Variants in PDCD6IP observed in about 807,000 individuals in gnomAD.
PDCD6IP encodes programmed cell death 6 interacting protein.
PDCD6IP carries 43 observed loss-of-function variants against 103.7 expected under a neutral mutation model. The ratio of observed to expected loss-of-function variants is 0.41; its 90% CI spans 0.32 to 0.53. The LOEUF (loss-of-function observed/expected upper bound fraction) is 0.53. Ranked by LOEUF, PDCD6IP falls within the 20% of genes least tolerant of loss-of-function variation. PDCD6IP has a pLI of 0.16. For synonymous variants in PDCD6IP, 354 were observed against 378.7 expected (o/e 0.93, Z 0.76); for missense variants, 871 against 1,036.7 (o/e 0.84, Z 2.20).
intron 12 of PDCD6IP, among the ~76,000 whole-genome samples, chr3:33,847,468 C>G (rs2125569746): frequency 6.6e-6 from 1 of 152,200 alleles, no homozygotes; most frequent in South Asian, 2.1e-4. Flanking sequence ...GTGCCTTAAT[C>G]AAATAAGGCA....
At chr3:33,858,144 T>C (rs1246330030) in intron 15 of PDCD6IP, among the ~76,000 whole-genome samples, 1 of 152,068 alleles carries the variant, frequency 6.6e-6, no homozygotes, top group African/African-American at 2.4e-5. Flanking sequence ...AATAAACCTA[T>C]AGAGGATAAG....
chr3:33,833,018 C>T (rs967134734), intron 7 of PDCD6IP, among the ~76,000 whole-genome samples: 6 of 151,942 alleles, frequency 3.9e-5, no homozygotes, highest in African/African-American at 9.7e-5. Flanking sequence ...ATCAGTATTT[C>T]GCTATTTTGT....
intron 17 of PDCD6IP, among the ~76,000 whole-genome samples, chr3:33,866,074 T>C (rs1366764451): frequency 6.6e-6 from 1 of 152,176 alleles, no homozygotes; most frequent in Non-Finnish European, 1.5e-5. Flanking sequence ...GTCTCCATTT[T>C]TTTTCTTTCT....
intron 3 of PDCD6IP, among the ~76,000 whole-genome samples, chr3:33,815,664 C>T (rs758823342): frequency 4.6e-5 from 7 of 152,142 alleles, no homozygotes; most frequent in Admixed American, 3.9e-4. Context: ...ACTGAATTTG[C>T]TGACTACCAG....
At chr3:33,832,525 A>G (rs1033398057) in intron 7 of PDCD6IP, among the ~76,000 whole-genome samples, 2 of 152,176 alleles carry the variant, frequency 1.3e-5, no homozygotes, top group African/African-American at 4.8e-5. Context: ...ATTTATCCTG[A>G]TGTGTGGTGC....
intron 7 of PDCD6IP, among the ~76,000 whole-genome samples, 164 bp downstream of exon 7, chr3:33,829,133 AG>A (rs1697191953): frequency 6.6e-6 from 1 of 152,070 alleles, no homozygotes; most frequent in Admixed American, 6.6e-5. Context: ...TGTTTTTTTG[AG>A]GTCTCATATT....
intron 3 of PDCD6IP, among the ~76,000 whole-genome samples, chr3:33,817,536 T>C (rs1696881365): frequency 6.6e-6 from 1 of 152,132 alleles, no homozygotes; most frequent in Non-Finnish European, 1.5e-5. Flanking sequence ...GGTGGATCAC[T>C]TGAGCCCAGG....
chr3:33,864,705 T>C (rs1432533587), intron 16 of PDCD6IP, among the ~76,000 whole-genome samples: 1 of 152,220 alleles, frequency 6.6e-6, no homozygotes, highest in Non-Finnish European at 1.5e-5. Context: ...TGTAGGAGAA[T>C]ATCCTTATGA....
chr3:33,821,600 A>G (rs923811623), intron 3 of PDCD6IP, among the ~76,000 whole-genome samples: 1 of 152,202 alleles, frequency 6.6e-6, no homozygotes, highest in Admixed American at 6.5e-5. Flanking sequence ...TGTGATTTTG[A>G]GAGGTGACAG....
At chr3:33,861,574 G>A (rs1263726195) in intron 15 of PDCD6IP, among the ~76,000 whole-genome samples, 1 of 152,232 alleles carries the variant, frequency 6.6e-6, no homozygotes, top group African/African-American at 2.4e-5. Flanking sequence ...ATGCAGTGCT[G>A]TTGGGTATAT....
At chr3:33,835,366 G>A in intron 7 of PDCD6IP, 1 of 451,266 alleles carries the variant, frequency 2.2e-6, no homozygotes, top group Non-Finnish European at 4.4e-6. Context: ...CCTTGTTTCA[G>A]TTCTCCATGA....
intron 12 of PDCD6IP, among the ~76,000 whole-genome samples, chr3:33,847,631 G>A (rs1301829708): frequency 6.6e-6 from 1 of 152,130 alleles, no homozygotes; most frequent in African/African-American, 2.4e-5. Flanking sequence ...TTTGATGGTA[G>A]GGCTGTTTTT....
chr3:33,824,642 A>G (rs186675074), intron 4 of PDCD6IP, among the ~76,000 whole-genome samples: 3 of 152,350 alleles, frequency 2.0e-5, no homozygotes, highest in Admixed American at 2.0e-4. Flanking sequence ...TTATTTTAGT[A>G]TTAACAAAAT....
chr3:33,816,503 TA>T (rs57317946), intron 3 of PDCD6IP, among the ~76,000 whole-genome samples: 1,546 of 57,622 alleles, frequency 0.027, 7 homozygotes, highest in East Asian at 0.048. Flanking sequence ...AGATTCTGTC[TA>T]AAAAAAAAAA....
intron 3 of PDCD6IP, among the ~76,000 whole-genome samples, chr3:33,818,784 T>C (rs1696921967): frequency 6.6e-6 from 1 of 152,200 alleles, no homozygotes. Flanking sequence ...CCCAAAGTGC[T>C]GAGATTACAG....
At chr3:33,822,691 T>G (rs1697020250) in intron 4 of PDCD6IP, among the ~76,000 whole-genome samples, 1 of 152,188 alleles carries the variant, frequency 6.6e-6, no homozygotes, top group South Asian at 2.1e-4. Flanking sequence ...AGTCTTGTTC[T>G]GTTGCCCAGG....
At position 33,798,644 on chromosome 3, in the gene PDCD6IP, T is replaced by TCCGCCAGC. The variant is rs1696386818; in HGVS notation, c.-82_-75dup. On this transcript the variant is annotated 5_prime_UTR_variant, in exon 1 of 18. Coordinates refer to ENST00000307296, the MANE Select transcript of PDCD6IP (RefSeq NM_013374.6). ...GTCTGTCAGCCAGTCAGTCCGCCAG[T>TCCGCCAGC]CCGCCAGCCCAGTACCTCTCTCTCC... 2 of 1,270,772 alleles carry TCCGCCAGC rather than the reference T, an allele frequency of 1.6e-6. No individual in the cohort carries two copies. Among genetic ancestry groups the TCCGCCAGC allele is most frequent in the South Asian group, 1.7e-5 (1 of 59,826 alleles). The allele number at this position is 1,270,772 out of a possible 1,614,324, so 78.7% of individuals were successfully genotyped here.
At chr3:33,803,892 AT>A (rs1559769416) in intron 1 of PDCD6IP, among the ~76,000 whole-genome samples, 1 of 150,890 alleles carries the variant, frequency 6.6e-6, no homozygotes, top group Non-Finnish European at 1.5e-5. Flanking sequence ...AGGACTGTGT[AT>A]TTTTTTCTCA....
rs756397927 is a variant in PDCD6IP at position 33,826,541 on chromosome 3, T to C, written c.678T>C (p.Asp226=). The part of the protein sequence containing the change: ...LANQAADYFG[D]AFKQCQYKDT... Reference sequence around the variant, plus strand: ...ATCAGGCTGCAGATTATTTTGGTGATGCTTTCAAACAGTGTCAATACAAAG... The same window carrying C: ...ATCAGGCTGCAGATTATTTTGGTGACGCTTTCAAACAGTGTCAATACAAAG... The change falls in exon 6 of 18, where the codon GAT becomes GAC. Residue 226 remains aspartate (D), a synonymous_variant. Coordinates refer to ENST00000307296, the MANE Select transcript of PDCD6IP (RefSeq NM_013374.6). The C allele has an allele frequency of 4.3e-6, 7 of 1,612,562 alleles. No individual in the cohort carries two copies. Among genetic ancestry groups the C allele is most frequent in the Non-Finnish European group, 5.9e-6 (7 of 1,179,032 alleles).
Sources: gnomAD v4.1 joint callset for allele counts (sites outside exome capture counted in the v4.1 genomes callset) on GRCh38, gnomAD v4.1.1 for gene constraint, MANE v1.5 for transcripts, NCBI Gene and HGNC (gene_info 2026-07-23, HGNC 2026-07-21) for gene names.